YAP1: variants seen among roughly 807,000 people sequenced by gnomAD.
YAP1 encodes the protein transcriptional coactivator YAP1.
In YAP1, 5 loss-of-function variants were observed where a neutral mutation model predicts 56.9. The observed-to-expected ratio is 0.09, with a 90% CI of 0.05 to 0.18. The LOEUF (loss-of-function observed/expected upper bound fraction) is 0.18. Among genes scored for constraint, YAP1 ranks in the 10% least tolerant of loss-of-function variants. The pLI, the probability that YAP1 is intolerant of heterozygous loss-of-function variation, is 1.00. For synonymous variants in YAP1, 265 were observed against 248.1 expected, an observed-to-expected ratio of 1.07 and a Z score of -0.64; for missense variants, 539 against 651.8, an observed-to-expected ratio of 0.83 and a Z score of 1.88.
chr11:102,151,996 T>C (rs1945685000), intron 2 of YAP1, among the ~76,000 whole-genome samples: 1 of 152,182 alleles, frequency 6.6e-6, no homozygotes, highest in South Asian at 2.1e-4. Flanking sequence ...AACACAGCTG[T>C]GTGTCCAGGA....
intron 2 of YAP1, among the ~76,000 whole-genome samples, chr11:102,133,283 C>T (rs992374205): frequency 3.3e-5 from 5 of 152,188 alleles, no homozygotes; most frequent in Admixed American, 1.3e-4. Context: ...TAATAAAACT[C>T]TTGTGGCACA....
intron 3 of YAP1, among the ~76,000 whole-genome samples, chr11:102,183,904 G>A (rs1225322755): frequency 2.6e-5 from 4 of 151,490 alleles, no homozygotes; most frequent in Non-Finnish European, 4.4e-5. Context: ...GTGAAACCCC[G>A]TCTCTACTAA....
intron 6 of YAP1, among the ~76,000 whole-genome samples, chr11:102,210,515 C>T (rs1949345494): frequency 6.6e-6 from 1 of 152,116 alleles, no homozygotes; most frequent in Admixed American, 6.5e-5. Context: ...GAGGGAAAAT[C>T]TCTATTCTTC....
intron 3 of YAP1, among the ~76,000 whole-genome samples, chr11:102,185,054 T>C (rs1181338834): frequency 2.0e-5 from 3 of 152,240 alleles, no homozygotes; most frequent in Non-Finnish European, 1.5e-5. Context: ...GTTCAATTCA[T>C]GTTAGTCCAC....
In YAP1 at chr11:102,116,338, A is replaced by G. The variant is rs73577846; in HGVS notation, c.572+1944A>G. ...TATGTATAGGTTATATGCAAATATTATGCCACCTTATATGAAAGACCAGAG... is the reference window on the plus strand; with the variant it reads ...TATGTATAGGTTATATGCAAATATTGTGCCACCTTATATGAAAGACCAGAG... On this transcript the variant is annotated intron_variant, in intron 2 of 8. Coordinates refer to ENST00000282441, the MANE Select transcript of YAP1 (RefSeq NM_001130145.3). Among the ~76,000 whole-genome samples the G allele has an allele frequency of 1.0e-3, 152 of 152,348 alleles. 2 individuals carry two copies. The highest frequency in any genetic ancestry group is 3.6e-3 in the African/African-American group (148 of 41,574).
intron 2 of YAP1, among the ~76,000 whole-genome samples, chr11:102,161,125 A>G (rs1465499873): frequency 7.8e-6 from 1 of 127,496 alleles, no homozygotes; most frequent in East Asian, 2.3e-4. Flanking sequence ...CAGTGGTGCC[A>G]TCTCGGCTCA....
intron 3 of YAP1, among the ~76,000 whole-genome samples, chr11:102,175,711 G>A (rs1338675884): frequency 6.6e-6 from 1 of 152,202 alleles, no homozygotes; most frequent in Non-Finnish European, 1.5e-5. Flanking sequence ...ACTGAAGACT[G>A]TAGGCAGTTG....
intron 4 of YAP1, among the ~76,000 whole-genome samples, chr11:102,199,667 G>A (rs370511626): frequency 3.9e-5 from 6 of 152,116 alleles, no homozygotes; most frequent in African/African-American, 1.4e-4. Context: ...AACTAGGGTA[G>A]GAATTTTTTA....
rs1950049336 is a variant in YAP1 at position 102,223,479 on chromosome 11, T to A, written c.1033-143T>A. ...TTTGAAATGGATAGAATTAGGTCAT[T>A]CTGATTGGGAAATGTATTAACTTTA... On this transcript the variant is annotated intron_variant, in intron 6 of 8. Transcript: ENST00000282441. 5 of 893,186 alleles carry A rather than the reference T, an allele frequency of 5.6e-6. No individual in the cohort carries two copies. In the East Asian group the frequency reaches 1.4e-4, roughly 24 times the overall value. The allele number at this position is 893,186 out of a possible 1,614,324, so 55.3% of individuals were successfully genotyped here.
At chr11:102,212,237 A>T (rs1345001180) in intron 6 of YAP1, among the ~76,000 whole-genome samples, 1 of 152,204 alleles carries the variant, frequency 6.6e-6, no homozygotes, top group Admixed American at 6.5e-5. Flanking sequence ...CTAATCGTAT[A>T]CCTCATATGC....
chr11:102,134,314 AT>A (rs963077714), intron 2 of YAP1, among the ~76,000 whole-genome samples: 1 of 152,036 alleles, frequency 6.6e-6, no homozygotes, highest in African/African-American at 2.4e-5. Flanking sequence ...GTTAACTGTG[AT>A]TTAGAAATAT....
intron 2 of YAP1, among the ~76,000 whole-genome samples, chr11:102,140,852 A>G (rs1048002275): frequency 2.0e-5 from 3 of 152,140 alleles, no homozygotes; most frequent in African/African-American, 7.2e-5. Context: ...CCCAAAAAAA[A>G]AAAGACATCT....
chr11:102,172,468 T>G (rs1329183497), intron 3 of YAP1, among the ~76,000 whole-genome samples: 2 of 109,626 alleles, frequency 1.8e-5, no homozygotes, highest in Non-Finnish European at 3.8e-5. Flanking sequence ...TACGGCACCA[T>G]GCACAGCGTT....
intron 2 of YAP1, among the ~76,000 whole-genome samples, chr11:102,151,011 GGCTGGTCTCAAATGCCTGACCCCGTGGTT>G (rs1005398137): frequency 7.2e-5 from 11 of 151,882 alleles, no homozygotes; most frequent in South Asian, 4.2e-4. Flanking sequence ...ATGTTGGCCA[GGCTGGTCTCAAATGCCTGACCCCGTGGTT>G]GCTGGTCTCG....
chr11:102,118,775 A>G (rs1330120161), intron 2 of YAP1, among the ~76,000 whole-genome samples: 2 of 151,690 alleles, frequency 1.3e-5, no homozygotes, highest in African/African-American at 2.4e-5. Flanking sequence ...CTATGAACAT[A>G]TACAGTGTAT....
chr11:102,146,062 T>G (rs1187988808), intron 2 of YAP1, among the ~76,000 whole-genome samples: 1 of 152,218 alleles, frequency 6.6e-6, no homozygotes, highest in Non-Finnish European at 1.5e-5. Flanking sequence ...GTTTAGTTAG[T>G]TAAGTTAGTT....
chr11:102,137,747 A>G (rs1286829317), intron 2 of YAP1, among the ~76,000 whole-genome samples: 1 of 115,518 alleles, frequency 8.7e-6, no homozygotes, highest in African/African-American at 2.9e-5. Flanking sequence ...AGAGTCATTG[A>G]CTTTTTTTTT....
chr11:102,114,448 AAC>A (rs1398070152), intron 2 of YAP1, 54 bp downstream of exon 2: 16 of 1,581,046 alleles, frequency 1.0e-5, no homozygotes, highest in Non-Finnish European at 1.4e-5. Flanking sequence ...TGTATTGGAA[AAC>A]ACAGTAAAGT....
At chr11:102,122,735 AAAT>A (rs2135171488) in intron 2 of YAP1, among the ~76,000 whole-genome samples, 1 of 152,092 alleles carries the variant, frequency 6.6e-6, no homozygotes, top group African/African-American at 2.4e-5. Context: ...CTCTACTAAA[AAAT>A]AGAAAAATTA....
Sources: allele counts gnomAD v4.1 joint callset (sites outside exome capture counted in the v4.1 genomes callset), GRCh38; gene constraint gnomAD v4.1.1; transcripts MANE v1.5; gene names NCBI Gene and HGNC (gene_info 2026-07-23, HGNC 2026-07-21).